Variants in EPB41L5 observed in about 807,000 individuals in gnomAD.
The protein encoded by EPB41L5 is band 4.1-like protein 5.
A neutral mutation model predicts 106.6 loss-of-function variants in EPB41L5; 55 were observed. That is an observed-to-expected ratio of 0.52 (90% CI 0.42 to 0.65). The LOEUF (loss-of-function observed/expected upper bound fraction) is 0.65, where lower values mean the gene tolerates loss of function less well. Ranked by LOEUF, EPB41L5 falls within the 30% of genes least tolerant of loss-of-function variation. The pLI is 0.00. For missense variants in EPB41L5, 871 were observed against 882.1 expected, an observed-to-expected ratio of 0.99 and a Z score of 0.16; for synonymous variants, 297 against 306.7, an observed-to-expected ratio of 0.97 and a Z score of 0.33.
chr2:120,093,279 A>G lies in EPB41L5; in HGVS notation c.1178+3A>G. 1 of 1,612,954 alleles carries G rather than the reference A, an allele frequency of 6.2e-7. No homozygotes were observed. Among genetic ancestry groups the G allele is most frequent in the Non-Finnish European group, 8.5e-7 (1 of 1,178,976 alleles). Reference sequence around the variant, plus strand: ...GCTACAAAACCTGAAGAACTTAGGTAAGTAATGTTTTGCAACTTAGGAATT... The same window carrying G: ...GCTACAAAACCTGAAGAACTTAGGTGAGTAATGTTTTGCAACTTAGGAATT... On this transcript the variant is annotated splice_donor_region_variant and intron_variant, in intron 14 of 24. Coordinates refer to ENST00000263713, the MANE Select transcript of EPB41L5 (RefSeq NM_020909.4).
At chr2:120,148,727 G>T in intron 20 of EPB41L5, among the ~76,000 whole-genome samples, 1 of 152,156 alleles carries the variant, frequency 6.6e-6, no homozygotes, top group East Asian at 1.9e-4. Flanking sequence ...TCATTATATA[G>T]ATATACAACA....
intron 20 of EPB41L5, among the ~76,000 whole-genome samples, chr2:120,152,767 C>G (rs1395236793): frequency 1.3e-5 from 2 of 152,342 alleles, no homozygotes; most frequent in East Asian, 1.9e-4. Context: ...ATTACTGATT[C>G]AATCTCTTTA....
At chr2:120,043,174 C>CAT (rs1237821724) in intron 3 of EPB41L5, among the ~76,000 whole-genome samples, 1 of 151,946 alleles carries the variant, frequency 6.6e-6, no homozygotes, top group Non-Finnish European at 1.5e-5. Context: ...TAACCATGAG[C>CAT]ATATGGCAGC....
rs964747353 is a variant in EPB41L5, at chr2:120,177,070, A to G, written c.*2163A>G. 4.6e-5 allele frequency: 7 copies of G among 152,216 alleles called. No homozygotes were observed. The highest frequency in any genetic ancestry group is 8.8e-5 in the Non-Finnish European group (6 of 68,056). 9.4% of individuals were successfully genotyped at this position (152,216 alleles called of 1,614,324 possible). On this transcript the variant is annotated 3_prime_UTR_variant, in exon 25 of 25. Coordinates refer to ENST00000263713, the MANE Select transcript of EPB41L5 (RefSeq NM_020909.4). ...TGCTGAATTGGCCCCGACAGATTAA[A>G]TGCGTGTTGGGGATTGGTTTCCTGT...
intron 3 of EPB41L5, among the ~76,000 whole-genome samples, chr2:120,054,375 C>A (rs1028928589): frequency 2.0e-5 from 3 of 152,178 alleles, no homozygotes; most frequent in Non-Finnish European, 4.4e-5. Context: ...TGTCCTTTGA[C>A]AAAAGTTTTA....
chr2:120,166,487 C>T (rs1277971134), intron 22 of EPB41L5, among the ~76,000 whole-genome samples: 3 of 149,538 alleles, frequency 2.0e-5, no homozygotes, highest in Non-Finnish European at 3.0e-5. Flanking sequence ...TGGAGTCTTG[C>T]TTTTTTGCCA....
Position 120,015,991 on chromosome 2 carries a change from C to T in EPB41L5, c.-9+2781C>T, listed in dbSNP as rs76811476. Among the ~76,000 whole-genome samples the T allele has an allele frequency of 7.8e-3, 1,175 of 151,318 alleles. 13 individuals are homozygous for T. Among genetic ancestry groups the T allele is most frequent in the African/African-American group, 0.027 (1,115 of 41,244 alleles). ...ACCATAACTTGTTTAACTGTTTGCACATTGATGAACACATTTAAAATTTTC... is the reference window on the plus strand; with the variant it reads ...ACCATAACTTGTTTAACTGTTTGCATATTGATGAACACATTTAAAATTTTC... On this transcript the variant is annotated intron_variant, in intron 1 of 24. Coordinates refer to ENST00000263713, the MANE Select transcript of EPB41L5 (RefSeq NM_020909.4).
intron 14 of EPB41L5, among the ~76,000 whole-genome samples, chr2:120,094,063 T>C (rs1306959500): frequency 6.6e-6 from 1 of 152,174 alleles, no homozygotes; most frequent in Non-Finnish European, 1.5e-5. Context: ...CTTGGCTCAC[T>C]GCAGCCTCTC....
At chr2:120,158,762 T>G (rs1045367867) in intron 20 of EPB41L5, among the ~76,000 whole-genome samples, 1 of 152,072 alleles carries the variant, frequency 6.6e-6, no homozygotes, top group Non-Finnish European at 1.5e-5. Context: ...GAGAAAGAAA[T>G]AAGGGGCATC....
intron 20 of EPB41L5, among the ~76,000 whole-genome samples, chr2:120,149,223 A>G (rs1214136158): frequency 2.0e-5 from 3 of 152,086 alleles, no homozygotes; most frequent in Non-Finnish European, 2.9e-5. Context: ...ATACCACACA[A>G]TTCATCCATT....
Position 120,016,912 on chromosome 2 carries a change from A to G in EPB41L5, c.-8-2165A>G, listed in dbSNP as rs555966937. 9.8e-4 allele frequency among the ~76,000 whole-genome samples: 149 copies of G among 152,312 alleles called. 1 individual carries two copies. In the South Asian group the frequency reaches 0.03, roughly 31 times the overall value. ...GAAAGAGACTGGGACCAGGTATTATATATGAGTGTTTGGAACACTGGAAAG... is the reference window on the plus strand; with the variant it reads ...GAAAGAGACTGGGACCAGGTATTATGTATGAGTGTTTGGAACACTGGAAAG... On this transcript the variant is annotated intron_variant, in intron 1 of 24. Coordinates refer to ENST00000263713, the MANE Select transcript of EPB41L5 (RefSeq NM_020909.4).
intron 3 of EPB41L5, among the ~76,000 whole-genome samples, chr2:120,064,951 G>A (rs1302770965): frequency 1.3e-5 from 2 of 152,138 alleles, no homozygotes; most frequent in East Asian, 1.9e-4. Context: ...AACTCCCACA[G>A]CTCCTAAATC....
intron 24 of EPB41L5, among the ~76,000 whole-genome samples, chr2:120,169,057 A>T (rs1393843542): frequency 6.6e-6 from 1 of 152,228 alleles, no homozygotes; most frequent in Non-Finnish European, 1.5e-5. Flanking sequence ...CACATTAAAA[A>T]TTACAGATGA....
intron 24 of EPB41L5, among the ~76,000 whole-genome samples, chr2:120,173,007 C>T (rs1181802608): frequency 3.3e-5 from 5 of 152,034 alleles, no homozygotes; most frequent in East Asian, 1.9e-4. Flanking sequence ...GCAAGGAGAT[C>T]GCTTAAGACC....
At chr2:120,152,820 A>G (rs1011289896) in intron 20 of EPB41L5, among the ~76,000 whole-genome samples, 1 of 152,178 alleles carries the variant, frequency 6.6e-6, no homozygotes, top group Non-Finnish European at 1.5e-5. Context: ...GTCTTAAGTC[A>G]GTTTTGGTAA....
chr2:120,133,850 C>T (rs1213183251), intron 18 of EPB41L5, among the ~76,000 whole-genome samples: 4 of 152,172 alleles, frequency 2.6e-5, no homozygotes, highest in Non-Finnish European at 5.9e-5. Flanking sequence ...GGAGAGACTT[C>T]TTCCACTTGA....
rs576957540 is a variant in EPB41L5 at position 120,092,296 on chromosome 2, A to G, written c.1150+635A>G. On this transcript the variant is annotated intron_variant, in intron 13 of 24. Coordinates refer to ENST00000263713, the MANE Select transcript of EPB41L5 (RefSeq NM_020909.4). The stretch of plus-strand genomic sequence containing the variant: ...CACCCACCTTGGCCTCCCGAATCCT[A>G]AAAGGATTACAGGCATGCCTGGCCA... Among the ~76,000 whole-genome samples the G allele has an allele frequency of 1.1e-4, 16 of 152,210 alleles. No individual in the cohort carries two copies. In the East Asian group the frequency reaches 2.7e-3, roughly 26 times the overall value.
chr2:120,074,154 A>G lies in EPB41L5; in HGVS notation c.383A>G (p.Asn128Ser), dbSNP rs1408125496. 1 of 1,612,862 alleles carries G rather than the reference A, an allele frequency of 6.2e-7. No individual in the cohort carries two copies. Among genetic ancestry groups the G allele is most frequent in the Non-Finnish European group, 8.5e-7 (1 of 1,179,422 alleles). ...GTTAAGTTTTATTCCTCAGAACCAA[A>G]TAACCTTCGTGAGGAGCTAACCCGG... ...LRVKFYSSEPNNLREELTRYL... is the reference protein window; with the variant it reads ...LRVKFYSSEPSNLREELTRYL... The change falls in exon 5 of 25, where the codon AAT becomes AGT. Residue 128 changes from asparagine to serine, a missense_variant. Physicochemically the swap from Asn to Ser is conservative, Grantham distance 46. Transcript: ENST00000263713.
intron 2 of EPB41L5, among the ~76,000 whole-genome samples, chr2:120,031,247 C>T (rs889734214): frequency 6.6e-6 from 1 of 152,206 alleles, no homozygotes; most frequent in African/African-American, 2.4e-5. Flanking sequence ...TCCAGTCTCC[C>T]ACACAACCAG....
Sources: gnomAD v4.1 joint callset for allele counts (sites outside exome capture counted in the v4.1 genomes callset) on GRCh38, gnomAD v4.1.1 for gene constraint, MANE v1.5 for transcripts, NCBI Gene and HGNC (gene_info 2026-07-23, HGNC 2026-07-21) for gene names.